Variants in SDK1 observed in about 807,000 individuals in gnomAD.
SDK1 encodes sidekick cell adhesion molecule 1.
Under a neutral mutation model 245.5 loss-of-function variants are expected in SDK1, and 157 were observed. That is an observed-to-expected ratio of 0.64 (90% CI 0.56 to 0.73). The LOEUF (loss-of-function observed/expected upper bound fraction) is 0.73. Ranked by LOEUF, SDK1 falls within the 30% of genes least tolerant of loss-of-function variation. The pLI is 0.00. For synonymous variants in SDK1, 1,647 were observed against 1,278.5 expected, an observed-to-expected ratio of 1.29 and a Z score of -6.15; for missense variants, 3,583 against 3,002.3, an observed-to-expected ratio of 1.19 and a Z score of -4.52.
At chr7:3,504,605 T>A (rs1174458134) in intron 1 of SDK1, among the ~76,000 whole-genome samples, 1 of 152,098 alleles carries the variant, frequency 6.6e-6, no homozygotes, top group East Asian at 1.9e-4. Flanking sequence ...CAACTGGATA[T>A]CTACAAGAAA....
intron 4 of SDK1, among the ~76,000 whole-genome samples, chr7:3,676,529 G>C (rs979312888): frequency 2.0e-5 from 3 of 151,740 alleles, no homozygotes; most frequent in Non-Finnish European, 4.4e-5. Flanking sequence ...GTTTCACCCT[G>C]TTAGCCGGGA....
chr7:3,989,317 C>T (rs549856573), intron 14 of SDK1, among the ~76,000 whole-genome samples: 10 of 152,186 alleles, frequency 6.6e-5, no homozygotes, highest in South Asian at 2.1e-4. Context: ...CCTCAGACCT[C>T]GTGAGACTTG....
chr7:3,886,188 A>T (rs7800775), intron 5 of SDK1, among the ~76,000 whole-genome samples: 1 of 152,048 alleles, frequency 6.6e-6, no homozygotes, highest in Non-Finnish European at 1.5e-5. Flanking sequence ...GGCCTTCTAC[A>T]GCAACTCCCA....
chr7:3,544,762 C>G (rs1210158398), intron 1 of SDK1, among the ~76,000 whole-genome samples: 1 of 152,148 alleles, frequency 6.6e-6, no homozygotes, highest in African/African-American at 2.4e-5. Flanking sequence ...ACTTACCAAC[C>G]AAGAAATCTC....
In SDK1 at chr7:4,268,550, G is replaced by C; in HGVS notation, c.*3166G>C. The C allele has an allele frequency of 7.7e-7, 1 of 1,293,810 alleles. No homozygotes were observed. Among genetic ancestry groups the C allele is most frequent in the Non-Finnish European group, 1.0e-6 (1 of 982,690 alleles). The allele number at this position is 1,293,810 out of a possible 1,614,324, so 80.1% of individuals were successfully genotyped here. A position where few individuals can be genotyped will look rare whatever the true frequency, so the allele number is the denominator to read the frequency against. Reference sequence around the variant, plus strand: ...CACGGAACGCGCCTCCACAGCCCCGGGAGGTGGCTCACTCTGTACAGGTCT... The same window carrying C: ...CACGGAACGCGCCTCCACAGCCCCGCGAGGTGGCTCACTCTGTACAGGTCT... On this transcript the variant is annotated 3_prime_UTR_variant, in exon 45 of 45. Transcript: ENST00000404826.
intron 11 of SDK1, 121 bp downstream of exon 11, chr7:3,969,545 T>A: frequency 1.6e-6 from 1 of 640,376 alleles, no homozygotes; most frequent in Non-Finnish European, 2.3e-6. Flanking sequence ...AGAGAATGAT[T>A]ATTTTTACAA....
rs73037677 is a variant in SDK1, at chr7:3,584,018, C to T, written c.299-35062C>T. Among the ~76,000 whole-genome samples the T allele has an allele frequency of 1.9e-4, 29 of 152,228 alleles. No individual in the cohort carries two copies. In the South Asian group the frequency reaches 4.1e-3, roughly 22 times the overall value. ...AAGTCCACACCATTCTGGGAGGGAA[C>T]GGAATGCCAATCTAAGGTGCCAGGG... On this transcript the variant is annotated intron_variant, in intron 1 of 44. Coordinates refer to ENST00000404826, the MANE Select transcript of SDK1 (RefSeq NM_152744.4).
chr7:4,184,735 A>G (rs140017150), intron 35 of SDK1, among the ~76,000 whole-genome samples: 6 of 152,380 alleles, frequency 3.9e-5, no homozygotes, highest in African/African-American at 1.4e-4. Flanking sequence ...TAAGGACTCC[A>G]GTGTGCAGGA....
intron 1 of SDK1, among the ~76,000 whole-genome samples, chr7:3,546,132 C>T (rs1013105468): frequency 3.3e-5 from 5 of 152,180 alleles, no homozygotes; most frequent in Non-Finnish European, 7.3e-5. Context: ...TGCTGGGGCC[C>T]CACTCCCAGA....
At chr7:3,861,361 C>A (rs570626881) in intron 5 of SDK1, among the ~76,000 whole-genome samples, 2 of 152,158 alleles carry the variant, frequency 1.3e-5, no homozygotes, top group Non-Finnish European at 2.9e-5. Flanking sequence ...TAGTTCCATT[C>A]GGTATCTTTA....
chr7:3,571,694 T>C (rs570544895), intron 1 of SDK1, among the ~76,000 whole-genome samples: 10 of 152,238 alleles, frequency 6.6e-5, no homozygotes, highest in African/African-American at 2.2e-4. Context: ...TAAAACCTTT[T>C]TGAAGTAATC....
chr7:3,549,739 T>C (rs768516012), intron 1 of SDK1, among the ~76,000 whole-genome samples: 14 of 152,220 alleles, frequency 9.2e-5, no homozygotes, highest in Non-Finnish European at 1.3e-4. Context: ...TTGATCTTTC[T>C]ATAAACAGCT....
intron 18 of SDK1, among the ~76,000 whole-genome samples, chr7:4,051,338 C>A (rs1336549586): frequency 1.4e-5 from 2 of 146,210 alleles, no homozygotes; most frequent in East Asian, 3.9e-4. Flanking sequence ...TGTTTTTTAA[C>A]CTTCTTAAGT....
chr7:3,648,664 AG>A (rs1316721343), intron 4 of SDK1, among the ~76,000 whole-genome samples: 2 of 152,248 alleles, frequency 1.3e-5, no homozygotes, highest in African/African-American at 4.8e-5. Context: ...CGAATGAAGT[AG>A]ATCTGGTTGT....
chr7:3,605,868 G>C (rs1019557770), intron 1 of SDK1, among the ~76,000 whole-genome samples: 1 of 151,442 alleles, frequency 6.6e-6, no homozygotes, highest in Non-Finnish European at 1.5e-5. Context: ...CATTTAATTT[G>C]TATGTTTCAT....
intron 5 of SDK1, among the ~76,000 whole-genome samples, chr7:3,875,989 A>G (rs1292704723): frequency 6.6e-6 from 1 of 152,156 alleles, no homozygotes; most frequent in Non-Finnish European, 1.5e-5. Context: ...TGTTTCTCAC[A>G]CAATGTGGGG....
At chr7:3,777,600 C>T (rs946669993) in intron 4 of SDK1, among the ~76,000 whole-genome samples, 4 of 152,202 alleles carry the variant, frequency 2.6e-5, no homozygotes, top group Admixed American at 6.5e-5. Flanking sequence ...GCCCCCTCTG[C>T]CAACAGTGTC....
intron 1 of SDK1, among the ~76,000 whole-genome samples, chr7:3,617,830 T>A (rs929434435): frequency 2.6e-5 from 4 of 152,204 alleles, no homozygotes; most frequent in Admixed American, 1.3e-4. Context: ...TTATTACTGT[T>A]AGAATGGCCA....
intron 4 of SDK1, among the ~76,000 whole-genome samples, chr7:3,810,133 C>G (rs1779349444): frequency 6.6e-6 from 1 of 152,080 alleles, no homozygotes; most frequent in Non-Finnish European, 1.5e-5. Context: ...GCAGAGTATC[C>G]TGGGGAGAGG....
Sources: gnomAD v4.1 joint callset for allele counts (sites outside exome capture counted in the v4.1 genomes callset) on GRCh38, gnomAD v4.1.1 for gene constraint, MANE v1.5 for transcripts, NCBI Gene and HGNC (gene_info 2026-07-23, HGNC 2026-07-21) for gene names.